The following ABI1 variants were observed in gnomAD, a reference collection of about 807,000 sequenced individuals.
The protein encoded by ABI1 is abl interactor 1, also known as Abelson interactor 1.
ABI1 carries 14 observed loss-of-function variants against 54.6 expected under a neutral mutation model. That is an observed-to-expected ratio of 0.26 (90% CI 0.17 to 0.40). ABI1 has a LOEUF of 0.40. Ranked by LOEUF, ABI1 falls within the 10% of genes least tolerant of loss-of-function variation. The pLI is 1.00. For missense variants in ABI1, 443 were observed against 598.3 expected (o/e 0.74, Z 2.71); for synonymous variants, 194 against 209.3 (o/e 0.93, Z 0.63).
At chr10:26,767,309 C>T (rs111241394) in intron 6 of ABI1, among the ~76,000 whole-genome samples, 37 of 152,080 alleles carry the variant, frequency 2.4e-4, no homozygotes, top group African/African-American at 8.5e-4. Context: ...TAATAAATAC[C>T]GCTTACCTAG....
intron 2 of ABI1, among the ~76,000 whole-genome samples, chr10:26,789,657 T>G (rs1016352544): frequency 2.6e-5 from 4 of 152,168 alleles, no homozygotes; most frequent in African/African-American, 4.8e-5. Context: ...GGTACATATG[T>G]AAGATGTGTT....
intron 1 of ABI1, among the ~76,000 whole-genome samples, chr10:26,858,145 C>T (rs1208850934): frequency 2.6e-5 from 4 of 152,120 alleles, no homozygotes; most frequent in African/African-American, 4.8e-5. Context: ...TCAAAGCACA[C>T]GTGAACTGCA....
At chr10:26,784,450 T>C (rs1842487270) in intron 2 of ABI1, among the ~76,000 whole-genome samples, 1 of 151,744 alleles carries the variant, frequency 6.6e-6, no homozygotes, top group South Asian at 2.1e-4. Context: ...ATACTGTACT[T>C]GGAACCCTAA....
At chr10:26,781,073 T>C (rs767531170) in intron 2 of ABI1, among the ~76,000 whole-genome samples, 13 of 152,344 alleles carry the variant, frequency 8.5e-5, no homozygotes, top group Non-Finnish European at 1.3e-4. Context: ...ACAATCCTTA[T>C]GACCTGTTTG....
intron 2 of ABI1, among the ~76,000 whole-genome samples, chr10:26,798,799 T>G (rs1199471164): frequency 1.3e-5 from 2 of 151,696 alleles, no homozygotes; most frequent in African/African-American, 2.4e-5. Flanking sequence ...GAATATACCT[T>G]CAGCTTAGCT....
At chr10:26,815,658 A>G (rs1028420512) in intron 2 of ABI1, among the ~76,000 whole-genome samples, 2 of 152,212 alleles carry the variant, frequency 1.3e-5, no homozygotes, top group African/African-American at 4.8e-5. Context: ...CTGTAGTGCC[A>G]GCACTTTGGA....
intron 1 of ABI1, among the ~76,000 whole-genome samples, chr10:26,825,283 T>C (rs1457759228): frequency 6.6e-6 from 1 of 152,154 alleles, no homozygotes; most frequent in Non-Finnish European, 1.5e-5. Flanking sequence ...CCTGGCCAGT[T>C]GGGAGACTGA....
chr10:26,808,487 G>A (rs183723685), intron 2 of ABI1, among the ~76,000 whole-genome samples: 131 of 152,010 alleles, frequency 8.6e-4, no homozygotes, highest in East Asian at 1.6e-3. Context: ...TTTGGGAGGC[G>A]GAGGCAGGTA....
intron 7 of ABI1, among the ~76,000 whole-genome samples, chr10:26,764,130 C>A (rs1374465700): frequency 6.6e-6 from 1 of 152,174 alleles, no homozygotes; most frequent in Non-Finnish European, 1.5e-5. Context: ...CGAGTTTATA[C>A]CTGCCTTAAC....
At position 26,834,862 on chromosome 10, in the gene ABI1, G is replaced by A. The variant is rs559709354; in HGVS notation, c.118-11557C>T. On this transcript the variant is annotated intron_variant, in intron 1 of 10. Coordinates refer to ENST00000376140, the MANE Select transcript of ABI1 (RefSeq NM_001012750.3). ...TCATGCCTGTAATCCCAGCACTTTGGGAGGCCGAGGCGGGCAAATCACTTG... is the reference window on the plus strand; with the variant it reads ...TCATGCCTGTAATCCCAGCACTTTGAGAGGCCGAGGCGGGCAAATCACTTG... Among the ~76,000 whole-genome samples the A allele has an allele frequency of 2.1e-3, 317 of 152,132 alleles. 1 individual carries two copies. The highest frequency in any genetic ancestry group is 7.4e-3 in the African/African-American group (307 of 41,504).
chr10:26,828,502 G>C (rs2048452750), intron 1 of ABI1, among the ~76,000 whole-genome samples: 1 of 151,826 alleles, frequency 6.6e-6, no homozygotes, highest in Non-Finnish European at 1.5e-5. Flanking sequence ...GCACAATAAA[G>C]AGAAGCATGC....
At chr10:26,753,002 G>C (rs1837828620) in intron 9 of ABI1, among the ~76,000 whole-genome samples, 1 of 152,042 alleles carries the variant, frequency 6.6e-6, no homozygotes. Context: ...CGTGATCAAA[G>C]AAATCAGCCA....
At chr10:26,789,739 C>G (rs1349430102) in intron 2 of ABI1, among the ~76,000 whole-genome samples, 1 of 152,068 alleles carries the variant, frequency 6.6e-6, no homozygotes, top group Non-Finnish European at 1.5e-5. Context: ...AGGTATTAAG[C>G]CTAGTATCCA....
intron 1 of ABI1, among the ~76,000 whole-genome samples, chr10:26,838,812 G>A (rs1214143996): frequency 2.6e-5 from 4 of 152,170 alleles, no homozygotes; most frequent in Non-Finnish European, 5.9e-5. Flanking sequence ...ATTTGTAGTG[G>A]TTAAATAACT....
At chr10:26,750,269 G>A (rs1033088554) in intron 10 of ABI1, among the ~76,000 whole-genome samples, 3 of 152,166 alleles carry the variant, frequency 2.0e-5, no homozygotes, top group Admixed American at 6.5e-5. Flanking sequence ...TGAGATGGGC[G>A]GATCACTTGA....
At chr10:26,809,645 A>T (rs533099882) in intron 2 of ABI1, among the ~76,000 whole-genome samples, 1 of 152,356 alleles carries the variant, frequency 6.6e-6, no homozygotes, top group South Asian at 2.1e-4. Flanking sequence ...AAATATTAGA[A>T]TCAATATATA....
intron 2 of ABI1, among the ~76,000 whole-genome samples, chr10:26,810,098 T>A (rs141236190): frequency 9.5e-4 from 144 of 152,268 alleles, no homozygotes; most frequent in African/African-American, 3.3e-3. Flanking sequence ...GGGACCCTAC[T>A]TGCCACTAGC....
At chr10:26,760,666 G>A (rs552972155) in intron 7 of ABI1, among the ~76,000 whole-genome samples, 1 of 152,236 alleles carries the variant, frequency 6.6e-6, no homozygotes, top group South Asian at 2.1e-4. Flanking sequence ...GAGGCAGGCG[G>A]ATCACCTGAG....
intron 2 of ABI1, among the ~76,000 whole-genome samples, chr10:26,810,579 G>C (rs1337446509): frequency 6.6e-6 from 1 of 152,074 alleles, no homozygotes; most frequent in South Asian, 2.1e-4. Context: ...GGCTTCTGTC[G>C]TAACGACTCA....
Sources: allele counts gnomAD v4.1 joint callset (sites outside exome capture counted in the v4.1 genomes callset), GRCh38; gene constraint gnomAD v4.1.1; transcripts MANE v1.5; gene names NCBI Gene and HGNC (gene_info 2026-07-23, HGNC 2026-07-21).